Variants in DNAJC1 observed in about 807,000 individuals in gnomAD.
DNAJC1 encodes DnaJ heat shock protein family (Hsp40) member C1.
In DNAJC1, 58 loss-of-function variants were observed where a neutral mutation model predicts 76.6. The ratio of observed to expected loss-of-function variants is 0.76; its 90% CI spans 0.61 to 0.94. DNAJC1 has a LOEUF of 0.94. DNAJC1 is among the 40% of genes least tolerant of loss of function. DNAJC1 has a pLI of 0.00. For missense variants in DNAJC1, 689 were observed against 677.3 expected, an observed-to-expected ratio of 1.02 and a Z score of -0.19; for synonymous variants, 258 against 267.9, an observed-to-expected ratio of 0.96 and a Z score of 0.36.
chr10:21,767,715 A>T (rs1005210530), intron 9 of DNAJC1, among the ~76,000 whole-genome samples: 1 of 152,106 alleles, frequency 6.6e-6, no homozygotes, highest in Non-Finnish European at 1.5e-5. Flanking sequence ...CAGAATATTG[A>T]CCAGGCACAG....
intron 7 of DNAJC1, among the ~76,000 whole-genome samples, chr10:21,885,473 CAGTGAACCAAAT>C (rs1002132028): frequency 3.3e-5 from 5 of 152,140 alleles, no homozygotes; most frequent in African/African-American, 9.7e-5. Flanking sequence ...CCAAACTAAA[CAGTGAACCAAAT>C]GGATCTGATA....
Position 21,759,586 on chromosome 10 carries a change from C to T in DNAJC1, c.1180G>A (p.Val394Ile). 1 of 1,614,086 alleles carries T rather than the reference C, an allele frequency of 6.2e-7. No homozygotes were observed. The highest frequency in any genetic ancestry group is 8.5e-7 in the Non-Finnish European group (1 of 1,180,038). ...MVRLSELKSTVQNSRPIKTAT... is the reference protein window; with the variant it reads ...MVRLSELKSTIQNSRPIKTAT... ...GTTTTGATGGGCCTGGAATTCTGAACTGTCGATTTGAGTTCGGAGAGTCTA... is the reference window on the plus strand; with the variant it reads ...GTTTTGATGGGCCTGGAATTCTGAATTGTCGATTTGAGTTCGGAGAGTCTA... Residue 394 changes from valine to isoleucine, a missense_variant, in exon 11 of 12, where the codon GTT (valine) becomes ATT (isoleucine). Coordinates refer to ENST00000376980, the MANE Select transcript of DNAJC1 (RefSeq NM_022365.4).
chr10:21,784,320 T>C lies in DNAJC1; in HGVS notation c.1099-18011A>G, dbSNP rs144789107. Among the ~76,000 whole-genome samples the C allele has an allele frequency of 6.7e-3, 1,018 of 152,278 alleles. 11 individuals are homozygous for C. The highest frequency in any genetic ancestry group is 0.023 in the African/African-American group (959 of 41,552). ...AAAAAATGCTCATCATCACTGGCCA[T>C]CAGAGAAATGCAAATCAAAACCACA... On this transcript the variant is annotated intron_variant, in intron 9 of 11. Transcript: ENST00000376980.
intron 10 of DNAJC1, 60 bp from the exon 11 acceptor site, chr10:21,759,678 G>C: frequency 6.6e-7 from 1 of 1,525,024 alleles, no homozygotes. Flanking sequence ...GAGACGGTGA[G>C]AACAGCAGCT....
At chr10:21,871,777 A>G (rs1488064316) in intron 8 of DNAJC1, among the ~76,000 whole-genome samples, 2 of 151,660 alleles carry the variant, frequency 1.3e-5, no homozygotes, top group African/African-American at 4.9e-5. Flanking sequence ...CCTCCTGAGG[A>G]GCTGTCCACC....
intron 9 of DNAJC1, among the ~76,000 whole-genome samples, chr10:21,777,514 T>C (rs1183343098): frequency 6.6e-6 from 1 of 152,216 alleles, no homozygotes; most frequent in Non-Finnish European, 1.5e-5. Flanking sequence ...CCACATAAAC[T>C]GGCCAGTGTC....
chr10:21,923,035 C>CTATG (rs1837063150), intron 3 of DNAJC1, among the ~76,000 whole-genome samples: 1 of 151,858 alleles, frequency 6.6e-6, no homozygotes, highest in African/African-American at 2.4e-5. Context: ...ACTGAAAGTG[C>CTATG]TATGTGTCTG....
intron 6 of DNAJC1, among the ~76,000 whole-genome samples, chr10:21,906,179 T>G (rs1401383070): frequency 6.6e-6 from 1 of 152,110 alleles, no homozygotes; most frequent in Non-Finnish European, 1.5e-5. Context: ...TCCCCACTTT[T>G]ATGTTCCTAC....
intron 8 of DNAJC1, among the ~76,000 whole-genome samples, chr10:21,832,466 C>A (rs976209455): frequency 6.6e-6 from 1 of 152,206 alleles, no homozygotes. Context: ...ACATACCAAA[C>A]TGATTACATA....
At chr10:21,984,817 CAT>C (rs1838213455) in intron 1 of DNAJC1, among the ~76,000 whole-genome samples, 1 of 152,058 alleles carries the variant, frequency 6.6e-6, no homozygotes, top group Non-Finnish European at 1.5e-5. Flanking sequence ...AAACTAAAAA[CAT>C]AGTGAGACCA....
At chr10:21,992,635 T>C (rs1296774327) in intron 1 of DNAJC1, among the ~76,000 whole-genome samples, 1 of 152,230 alleles carries the variant, frequency 6.6e-6, no homozygotes, top group Non-Finnish European at 1.5e-5. Context: ...CTGTGTTTTG[T>C]ATCACATATC....
At chr10:21,881,645 G>A (rs1419947213) in intron 8 of DNAJC1, among the ~76,000 whole-genome samples, 4 of 151,608 alleles carry the variant, frequency 2.6e-5, no homozygotes, top group East Asian at 3.9e-4. Context: ...TGCACTTCAC[G>A]GTACCCCAAA....
chr10:21,940,828 A>T lies in DNAJC1; in HGVS notation c.223-11687T>A, dbSNP rs188020984. Among the ~76,000 whole-genome samples the T allele has an allele frequency of 5.3e-5, 8 of 152,230 alleles. No individual in the cohort carries two copies. In the East Asian group the frequency reaches 1.4e-3, roughly 26 times the overall value. The stretch of plus-strand genomic sequence containing the variant: ...CACAGAACAAAATCATCATTTCTAT[A>T]ATCTGGTAACTAGATCTTAGACTAA... On this transcript the variant is annotated intron_variant, in intron 1 of 11. Transcript: ENST00000376980.
At chr10:21,977,420 G>A (rs1483720883) in intron 1 of DNAJC1, among the ~76,000 whole-genome samples, 3 of 152,018 alleles carry the variant, frequency 2.0e-5, no homozygotes, top group Non-Finnish European at 4.4e-5. Context: ...AGACATCCAC[G>A]TGAACTAAAA....
At chr10:21,918,982 C>T in intron 5 of DNAJC1, 110 bp from the exon 6 acceptor site, 1 of 698,786 alleles carries the variant, frequency 1.4e-6, no homozygotes, top group South Asian at 1.8e-5. Flanking sequence ...TGAATGGCTA[C>T]TTCAACAAAA....
intron 8 of DNAJC1, among the ~76,000 whole-genome samples, chr10:21,833,331 C>T (rs915821166): frequency 6.6e-6 from 1 of 152,136 alleles, no homozygotes; most frequent in Admixed American, 6.5e-5. Flanking sequence ...ATCAGCTGGG[C>T]ATGGTGACGG....
chr10:21,963,460 T>C (rs761656439), intron 1 of DNAJC1, among the ~76,000 whole-genome samples: 12 of 152,214 alleles, frequency 7.9e-5, no homozygotes, highest in South Asian at 4.1e-4. Flanking sequence ...GTTAAAAGAT[T>C]GTTTTAAGTT....
intron 1 of DNAJC1, among the ~76,000 whole-genome samples, chr10:21,982,041 T>G (rs946980667): frequency 2.0e-5 from 3 of 152,194 alleles, no homozygotes; most frequent in African/African-American, 7.2e-5. Context: ...CCCCCTTAAC[T>G]CTGATGTTTC....
At chr10:21,863,719 T>C (rs1478741274) in intron 8 of DNAJC1, among the ~76,000 whole-genome samples, 1 of 152,088 alleles carries the variant, frequency 6.6e-6, no homozygotes, top group African/African-American at 2.4e-5. Flanking sequence ...GAATTCACTA[T>C]ATTAACAGAT....
Sources: allele counts gnomAD v4.1 joint callset (sites outside exome capture counted in the v4.1 genomes callset), GRCh38; gene constraint gnomAD v4.1.1; transcripts MANE v1.5; gene names NCBI Gene and HGNC (gene_info 2026-07-23, HGNC 2026-07-21).